FBXO10: variants seen among roughly 807,000 people sequenced by gnomAD.
FBXO10 encodes F-box protein 10.
In FBXO10, 39 loss-of-function variants were observed where a neutral mutation model predicts 80.7. That is an observed-to-expected ratio of 0.48 (90% confidence interval 0.37 to 0.63). The LOEUF (loss-of-function observed/expected upper bound fraction) is 0.63. Ranked by LOEUF, FBXO10 falls within the 30% of genes least tolerant of loss-of-function variation. FBXO10 has a pLI of 0.00. For missense variants in FBXO10, 1,025 were observed against 1,269.0 expected (o/e 0.81, Z 2.92); for synonymous variants, 449 against 489.6 (o/e 0.92, Z 1.09).
Position 37,512,361 on chromosome 9 carries a change from A to G in FBXO10, c.*186T>C. ...CAGCTTCTATCCCTTCTCCCTGAAAAACATTGCCCACTTTCTTCTTGCTAT... is the reference window on the plus strand; with the variant it reads ...CAGCTTCTATCCCTTCTCCCTGAAAGACATTGCCCACTTTCTTCTTGCTAT... On this transcript the variant is annotated 3_prime_UTR_variant, in exon 11 of 11. Coordinates refer to ENST00000432825, the MANE Select transcript of FBXO10 (RefSeq NM_012166.3). 2 of 519,860 alleles carry G rather than the reference A, an allele frequency of 3.8e-6. No homozygotes were observed. The allele number at this position is 519,860 out of a possible 1,614,324, so 32.2% of individuals were successfully genotyped here.
At chr9:37,549,248 C>G (rs1451885324) in intron 1 of FBXO10, among the ~76,000 whole-genome samples, 1 of 152,118 alleles carries the variant, frequency 6.6e-6, no homozygotes, top group African/African-American at 2.4e-5. Flanking sequence ...CTTATCCTCT[C>G]CCCTCAGAAA....
At chr9:37,571,738 T>TATATATATATATAC (rs1822764024) in intron 1 of FBXO10, among the ~76,000 whole-genome samples, 1 of 143,036 alleles carries the variant, frequency 7.0e-6, no homozygotes, top group South Asian at 2.1e-4. Context: ...TATATATATA[T>TATATATATATATAC]ATATATATAT....
intron 1 of FBXO10, among the ~76,000 whole-genome samples, chr9:37,572,273 ACT>A (rs1346345455): frequency 1.3e-5 from 2 of 152,218 alleles, no homozygotes. Context: ...AGCAACTGGA[ACT>A]CTCATATACT....
At chr9:37,548,562 T>G (rs1822114847) in intron 1 of FBXO10, among the ~76,000 whole-genome samples, 1 of 152,176 alleles carries the variant, frequency 6.6e-6, no homozygotes, top group South Asian at 2.1e-4. Flanking sequence ...ATTTTCCACC[T>G]AGCTGCCCAA....
chr9:37,568,524 C>G lies in FBXO10; in HGVS notation c.-7+7687G>C, dbSNP rs577110236. Among the ~76,000 whole-genome samples, 11 of 152,260 alleles carry G rather than the reference C, an allele frequency of 7.2e-5. No homozygotes were observed. In the South Asian group the frequency reaches 2.3e-3, roughly 32 times the overall value. On this transcript the variant is annotated intron_variant, in intron 1 of 10. Coordinates refer to ENST00000432825, the MANE Select transcript of FBXO10 (RefSeq NM_012166.3). ...CCACCCACCCAATTTACTTTGTTTTCAAGAAACCAATTTACTTTGTTTTCT... is the reference window on the plus strand; with the variant it reads ...CCACCCACCCAATTTACTTTGTTTTGAAGAAACCAATTTACTTTGTTTTCT...
intron 1 of FBXO10, among the ~76,000 whole-genome samples, chr9:37,549,484 T>G (rs547142895): frequency 6.6e-6 from 1 of 152,322 alleles, no homozygotes; most frequent in South Asian, 2.1e-4. Flanking sequence ...AAAAGTAAGT[T>G]CAGTCTTGAT....
At chr9:37,518,029 T>A (rs1426636365) in intron 9 of FBXO10, 96 bp downstream of exon 9, 4 of 1,263,722 alleles carry the variant, frequency 3.2e-6, no homozygotes, top group Non-Finnish European at 4.4e-6. Context: ...TAGTGCTGAG[T>A]GATTACGGTT....
intron 1 of FBXO10, among the ~76,000 whole-genome samples, chr9:37,560,164 A>G (rs2119175783): frequency 6.6e-6 from 1 of 152,310 alleles, no homozygotes; most frequent in South Asian, 2.1e-4. Flanking sequence ...TCAGAGCTAT[A>G]TTTTAAGGAG....
intron 10 of FBXO10, 96 bp from the exon 11 acceptor site, chr9:37,512,817 A>T: frequency 7.8e-7 from 1 of 1,274,078 alleles, no homozygotes; most frequent in South Asian, 1.5e-5. Flanking sequence ...AGATCGGTGG[A>T]TCCAGGTGTT....
At chr9:37,526,347 G>A (rs536462502) in intron 5 of FBXO10, among the ~76,000 whole-genome samples, 3 of 152,226 alleles carry the variant, frequency 2.0e-5, no homozygotes, top group East Asian at 3.9e-4. Context: ...ACTTCATTCC[G>A]TATCCTGCTC....
intron 1 of FBXO10, among the ~76,000 whole-genome samples, chr9:37,555,483 C>T (rs569403453): frequency 4.6e-5 from 7 of 151,804 alleles, no homozygotes; most frequent in Admixed American, 3.3e-4. Context: ...CAGGTTCAAG[C>T]GATTCTCCTG....
chr9:37,513,957 G>A (rs1460539011), intron 10 of FBXO10, among the ~76,000 whole-genome samples: 1 of 152,162 alleles, frequency 6.6e-6, no homozygotes, highest in Non-Finnish European at 1.5e-5. Context: ...TGGGTTTCCA[G>A]TCACCCAAAC....
rs746691934 is a variant in FBXO10 at position 37,541,179 on chromosome 9, C to G, written c.585+5G>C. ...GAAAGGCCGTCTATTGATGTGGATA[C>G]CCACCTTATACATGATGGGTGAGAA... On this transcript the variant is annotated splice_donor_5th_base_variant and intron_variant, in intron 2 of 10. Coordinates refer to ENST00000432825, the MANE Select transcript of FBXO10 (RefSeq NM_012166.3). 1.9e-6 allele frequency: 3 copies of G among 1,586,706 alleles called. No individual in the cohort carries two copies. The South Asian group carries it at 3.5e-5, about 19-fold the overall frequency.
At chr9:37,548,771 C>T (rs768411282) in intron 1 of FBXO10, among the ~76,000 whole-genome samples, 12 of 151,758 alleles carry the variant, frequency 7.9e-5, no homozygotes, top group African/African-American at 1.7e-4. Context: ...TCTTTTGAGA[C>T]GGAGTCTCCC....
In FBXO10 at chr9:37,537,871, T is replaced by A; in HGVS notation, c.658A>T (p.Thr220Ser). 2 of 1,613,878 alleles carry A rather than the reference T, an allele frequency of 1.2e-6. No homozygotes were observed. Among genetic ancestry groups the A allele is most frequent in the African/African-American group, 1.3e-5 (1 of 75,032 alleles). Residue 220 changes from threonine (T) to serine (S), a missense_variant, in exon 3 of 11, where the codon ACT (threonine) becomes TCT (serine). Coordinates refer to ENST00000432825, the MANE Select transcript of FBXO10 (RefSeq NM_012166.3). ...AAGGTACAGAACTTCACTTGGCAAG[T>A]ACCCGGGCCATGGACCTGGATGTGC... ...NGHIQVHGPG[T>S]CQVKFCTFKN...
intron 10 of FBXO10, chr9:37,515,125 G>GAAAACATCATCTTCCAGGGCAAAACC: frequency 6.6e-6 from 1 of 152,264 alleles, no homozygotes. Flanking sequence ...GGCGGTGCAG[G>GAAAACATCATCTTCCAGGGCAAAACC]AGTGATACCA....
At chr9:37,556,157 T>C (rs1178017060) in intron 1 of FBXO10, among the ~76,000 whole-genome samples, 1 of 152,244 alleles carries the variant, frequency 6.6e-6, no homozygotes, top group African/African-American at 2.4e-5. Flanking sequence ...GGATTATTTC[T>C]GGACTATTTG....
At chr9:37,554,491 T>A (rs1250821217) in intron 1 of FBXO10, among the ~76,000 whole-genome samples, 1 of 152,218 alleles carries the variant, frequency 6.6e-6, no homozygotes, top group East Asian at 1.9e-4. Flanking sequence ...GATGCATTCA[T>A]ATGTGCAATA....
chr9:37,567,292 G>A (rs1054762415), intron 1 of FBXO10, among the ~76,000 whole-genome samples: 5 of 150,858 alleles, frequency 3.3e-5, no homozygotes, highest in Admixed American at 1.3e-4. Context: ...ATGGGCACAC[G>A]CTACCACACC....
Sources: gnomAD v4.1 joint callset for allele counts (sites outside exome capture counted in the v4.1 genomes callset) on GRCh38, gnomAD v4.1.1 for gene constraint, MANE v1.5 for transcripts, NCBI Gene and HGNC (gene_info 2026-07-23, HGNC 2026-07-21) for gene names.